Variants in RCAN2 observed in about 807,000 individuals in gnomAD.
RCAN2 encodes calcipressin-2.
A neutral mutation model predicts 23.6 loss-of-function variants in RCAN2; 9 were observed. The ratio of observed to expected loss-of-function variants is 0.38; its 90% CI spans 0.23 to 0.67. The LOEUF is 0.67. Among genes scored for constraint, RCAN2 ranks in the 30% least tolerant of loss-of-function variants. The pLI is 0.51. For synonymous variants in RCAN2, 109 were observed against 115.7 expected (o/e 0.94, Z 0.37); for missense variants, 273 against 302.3 (o/e 0.90, Z 0.72).
chr6:46,262,342 C>G (rs1219897424), intron 2 of RCAN2, among the ~76,000 whole-genome samples: 1 of 152,158 alleles, frequency 6.6e-6, no homozygotes, highest in African/African-American at 2.4e-5. Flanking sequence ...CATCAGCCCC[C>G]TGTTCACCCT....
At chr6:46,438,968 A>G (rs952488348) in intron 2 of RCAN2, among the ~76,000 whole-genome samples, 3 of 152,222 alleles carry the variant, frequency 2.0e-5, no homozygotes, top group Admixed American at 6.5e-5. Flanking sequence ...CTTATATTGT[A>G]TATCTTAGAA....
chr6:46,228,991 C>T (rs2150305924), intron 4 of RCAN2, among the ~76,000 whole-genome samples: 1 of 152,222 alleles, frequency 6.6e-6, no homozygotes, highest in South Asian at 2.1e-4. Flanking sequence ...TCAGCATTTG[C>T]TTGTCTGTAA....
At chr6:46,301,622 G>T (rs1372310210) in intron 2 of RCAN2, among the ~76,000 whole-genome samples, 1 of 152,084 alleles carries the variant, frequency 6.6e-6, no homozygotes, top group African/African-American at 2.4e-5. Context: ...TTAACAAATA[G>T]GAATATATTA....
At chr6:46,242,545 T>A (rs1766344114) in intron 4 of RCAN2, among the ~76,000 whole-genome samples, 1 of 152,194 alleles carries the variant, frequency 6.6e-6, no homozygotes, top group African/African-American at 2.4e-5. Context: ...TGTTCATCAT[T>A]CCTCTAATGC....
In RCAN2 at chr6:46,222,237, C is replaced by G; in HGVS notation, c.*904G>C. On this transcript the variant is annotated 3_prime_UTR_variant, in exon 5 of 5. Transcript: ENST00000371374. ...AAGCAATGCACATTATGTTTTGAAG[C>G]AGCTAATTGTCGAACAATCACTAAA... 2.7e-6 allele frequency: 1 copy of G among 365,610 alleles called. No homozygotes were observed. The highest frequency in any genetic ancestry group is 4.9e-6 in the Non-Finnish European group (1 of 205,628). 22.6% of individuals were successfully genotyped at this position (365,610 alleles called of 1,614,324 possible).
chr6:46,314,682 T>C (rs1457109783), intron 2 of RCAN2, among the ~76,000 whole-genome samples: 2 of 152,262 alleles, frequency 1.3e-5, no homozygotes, highest in Non-Finnish European at 2.9e-5. Context: ...GTAAAATTCC[T>C]GCCCAAAGAA....
intron 2 of RCAN2, among the ~76,000 whole-genome samples, chr6:46,371,868 C>T (rs745961019): frequency 6.6e-5 from 10 of 152,202 alleles, no homozygotes; most frequent in Non-Finnish European, 1.2e-4. Flanking sequence ...AAAGTTGTTC[C>T]TCTTTTTATA....
chr6:46,482,466 G>A (rs916329365), intron 1 of RCAN2, among the ~76,000 whole-genome samples: 3 of 152,172 alleles, frequency 2.0e-5, no homozygotes, highest in African/African-American at 7.2e-5. Flanking sequence ...TGGAAATGGG[G>A]CAGGAGTGCT....
chr6:46,406,543 T>C (rs995160554), intron 2 of RCAN2, among the ~76,000 whole-genome samples: 1 of 152,336 alleles, frequency 6.6e-6, no homozygotes, highest in African/African-American at 2.4e-5. Flanking sequence ...ATGATTTTGA[T>C]AGGAGACCAA....
chr6:46,465,817 G>A lies in RCAN2; in HGVS notation c.-2-8839C>T, dbSNP rs1047549559. Among the ~76,000 whole-genome samples, 4 of 152,198 alleles carry A rather than the reference G, an allele frequency of 2.6e-5. No individual in the cohort carries two copies. In the South Asian group the frequency reaches 6.2e-4, roughly 24 times the overall value. ...GTGGAGAGAGACTCTCTGGGATCAA[G>A]TAAAGATAACAAGCACACCCTTCAT... On this transcript the variant is annotated intron_variant, in intron 1 of 4. Transcript: ENST00000371374.
At chr6:46,458,462 A>T (rs918616745) in intron 1 of RCAN2, among the ~76,000 whole-genome samples, 1 of 152,216 alleles carries the variant, frequency 6.6e-6, no homozygotes, top group African/African-American at 2.4e-5. Flanking sequence ...TGATATCTCT[A>T]AAATCAAATC....
intron 2 of RCAN2, among the ~76,000 whole-genome samples, chr6:46,423,574 C>T (rs898543482): frequency 6.6e-6 from 1 of 152,188 alleles, no homozygotes; most frequent in Non-Finnish European, 1.5e-5. Context: ...CTCAGGGTTT[C>T]ACCTTCGATA....
intron 2 of RCAN2, among the ~76,000 whole-genome samples, chr6:46,348,861 C>A (rs941032938): frequency 1.3e-5 from 2 of 152,152 alleles, no homozygotes; most frequent in Admixed American, 1.3e-4. Flanking sequence ...CTCCGTAAGA[C>A]ATATTCCCCC....
intron 2 of RCAN2, among the ~76,000 whole-genome samples, chr6:46,429,366 T>C (rs1365024906): frequency 2.0e-5 from 3 of 152,212 alleles, no homozygotes; most frequent in African/African-American, 7.2e-5. Flanking sequence ...CTATGATAGA[T>C]CTATGTGAAT....
At chr6:46,473,206 G>A (rs1768617719) in intron 1 of RCAN2, among the ~76,000 whole-genome samples, 2 of 152,038 alleles carry the variant, frequency 1.3e-5, no homozygotes, top group South Asian at 4.2e-4. Flanking sequence ...AACTCTTAAA[G>A]CATACCAATG....
intron 2 of RCAN2, among the ~76,000 whole-genome samples, chr6:46,392,292 G>T (rs1461817800): frequency 6.6e-6 from 1 of 152,006 alleles, no homozygotes; most frequent in African/African-American, 2.4e-5. Flanking sequence ...TATAAGTCTT[G>T]GTATGGAAAA....
rs562392772 is a variant in RCAN2 at position 46,395,809 on chromosome 6, T to C, written c.225+60943A>G. Among the ~76,000 whole-genome samples the C allele has an allele frequency of 5.3e-5, 8 of 152,278 alleles. No individual in the cohort carries two copies. The South Asian group carries it at 1.2e-3, about 24-fold the overall frequency. ...ACAATATACTTATTTACCTGTCAAA[T>C]TTAATACCAACATATGAGACCTGGC... On this transcript the variant is annotated intron_variant, in intron 2 of 4. Coordinates refer to ENST00000371374, the MANE Select transcript of RCAN2 (RefSeq NM_001251974.2).
chr6:46,323,865 A>C (rs1763699967), intron 2 of RCAN2, among the ~76,000 whole-genome samples: 1 of 152,258 alleles, frequency 6.6e-6, no homozygotes, highest in Non-Finnish European at 1.5e-5. Flanking sequence ...GGCATGTTGC[A>C]GATCTCCAAT....
chr6:46,375,039 T>G (rs572614529), intron 2 of RCAN2, among the ~76,000 whole-genome samples: 1 of 152,070 alleles, frequency 6.6e-6, no homozygotes, highest in African/African-American at 2.4e-5. Flanking sequence ...TCCCAGTAGC[T>G]GGCATTACAG....
Sources: allele counts gnomAD v4.1 joint callset (sites outside exome capture counted in the v4.1 genomes callset), GRCh38; gene constraint gnomAD v4.1.1; transcripts MANE v1.5; gene names NCBI Gene and HGNC (gene_info 2026-07-23, HGNC 2026-07-21).